The following CTNNBIP1 variants were observed in gnomAD, a reference collection of about 807,000 sequenced individuals.
CTNNBIP1 encodes the protein catenin beta interacting protein 1.
CTNNBIP1 carries 7 observed loss-of-function variants against 11.8 expected under a neutral mutation model. That is an observed-to-expected ratio of 0.60 (90% CI 0.34 to 1.12). The LOEUF is 1.12. CTNNBIP1 is among the 50% of genes most tolerant of loss of function. The pLI is 0.03. For synonymous variants in CTNNBIP1, 58 were observed against 43.9 expected (o/e 1.32, Z -1.26); for missense variants, 101 against 113.4 (o/e 0.89, Z 0.50).
At chr1:9,894,800 G>A (rs895546869) in intron 1 of CTNNBIP1, among the ~76,000 whole-genome samples, 1 of 152,108 alleles carries the variant, frequency 6.6e-6, no homozygotes, top group Non-Finnish European at 1.5e-5. Context: ...GAGTGCAGTG[G>A]TGTGATCTCT....
chr1:9,894,402 G>A (rs1394226341), intron 1 of CTNNBIP1, among the ~76,000 whole-genome samples: 1 of 152,036 alleles, frequency 6.6e-6, no homozygotes, highest in Non-Finnish European at 1.5e-5. Flanking sequence ...GTCACACAGG[G>A]TGGAGTGCAG....
chr1:9,873,623 G>A (rs993005000), intron 3 of CTNNBIP1, among the ~76,000 whole-genome samples: 2 of 152,112 alleles, frequency 1.3e-5, no homozygotes, highest in South Asian at 2.1e-4. Context: ...ATGATGATGC[G>A]GTCTCCACCT....
Position 9,890,815 on chromosome 1 carries a change from C to T in CTNNBIP1, c.-143-7077G>A, listed in dbSNP as rs74054135. ...GAGGTAGAGGAACGCTTTTTCTCTC[C>T]TGGGACACCAGAGAGATCCCCAGCA... On this transcript the variant is annotated intron_variant, in intron 1 of 5. Coordinates refer to ENST00000377263, the MANE Select transcript of CTNNBIP1 (RefSeq NM_020248.3). Among the ~76,000 whole-genome samples the T allele has an allele frequency of 8.9e-3, 1,354 of 152,180 alleles. 18 individuals are homozygous for T. The highest frequency in any genetic ancestry group is 0.037 in the Middle Eastern group (11 of 294).
chr1:9,864,405 T>C (rs1220408), intron 5 of CTNNBIP1, among the ~76,000 whole-genome samples: 146,770 of 152,086 alleles, frequency 0.97, 71,044 homozygotes, highest in Middle Eastern at 1. Flanking sequence ...CTCGGCTCAC[T>C]GCAAGCTCCG....
intron 1 of CTNNBIP1, among the ~76,000 whole-genome samples, chr1:9,884,234 G>A (rs1639139102): frequency 1.3e-5 from 2 of 152,206 alleles, no homozygotes; most frequent in Admixed American, 1.3e-4. Context: ...CCTGGGAATG[G>A]CTCCAGGCAC....
chr1:9,898,345 G>A (rs770130139), intron 1 of CTNNBIP1, among the ~76,000 whole-genome samples: 55 of 151,996 alleles, frequency 3.6e-4, no homozygotes, highest in Non-Finnish European at 6.0e-4. Flanking sequence ...CCAACGTGGT[G>A]AAACCCCGTC....
chr1:9,882,604 A>G (rs1210019498), intron 2 of CTNNBIP1, among the ~76,000 whole-genome samples: 1 of 152,202 alleles, frequency 6.6e-6, no homozygotes, highest in Non-Finnish European at 1.5e-5. Flanking sequence ...CTCAGCTTGA[A>G]AAGACCACTG....
At position 9,872,365 on chromosome 1, in the gene CTNNBIP1, G is replaced by A. The variant is rs1273431829; in HGVS notation, c.-24-277C>T. On this transcript the variant is annotated intron_variant, in intron 3 of 5. Transcript: ENST00000377263. This position sits in a 1 kb window ranked among gnomAD's most constrained non-coding sequence, Gnocchi z 4.0. ...AAGCTGCTGCGTCCAGGAAAACTGA[G>A]ATGACCTGGACTGCTGGTTGTTTCT... 6.6e-6 allele frequency among the ~76,000 whole-genome samples: 1 copy of A among 152,236 alleles called. No individual in the cohort carries two copies. The highest frequency in any genetic ancestry group is 1.9e-4 in the East Asian group (1 of 5,190).
In CTNNBIP1 at chr1:9,864,484, A is replaced by G. The variant is rs905965703; in HGVS notation, c.187+6703T>C. On this transcript the variant is annotated intron_variant, in intron 5 of 5. Transcript: ENST00000377263. Reference sequence around the variant, plus strand: ...GCCAGGACTACAGGCGCCCGCCACCACGCCCGGCTAATTTTTTGTATTTTT... The same window carrying G: ...GCCAGGACTACAGGCGCCCGCCACCGCGCCCGGCTAATTTTTTGTATTTTT... 2.3e-4 allele frequency among the ~76,000 whole-genome samples: 35 copies of G among 152,218 alleles called. 1 individual carries two copies. The East Asian group carries it at 2.5e-3, about 11-fold the overall frequency.
chr1:9,875,717 T>C (rs985121019), intron 3 of CTNNBIP1, among the ~76,000 whole-genome samples: 3 of 152,262 alleles, frequency 2.0e-5, no homozygotes, highest in African/African-American at 7.2e-5. Flanking sequence ...TAGTTTGAGC[T>C]GATTCCGCCC....
At chr1:9,892,241 T>C (rs1639318996) in intron 1 of CTNNBIP1, among the ~76,000 whole-genome samples, 1 of 151,732 alleles carries the variant, frequency 6.6e-6, no homozygotes, top group African/African-American at 2.4e-5. Flanking sequence ...GCTAACACGG[T>C]GAAACCCCGT....
At chr1:9,874,054 C>G (rs1638917014) in intron 3 of CTNNBIP1, among the ~76,000 whole-genome samples, 1 of 152,200 alleles carries the variant, frequency 6.6e-6, no homozygotes, top group South Asian at 2.1e-4. Context: ...ATCTCATAAT[C>G]CTTGCCAAGA....
chr1:9,869,431 G>A (rs1277222770), intron 5 of CTNNBIP1, among the ~76,000 whole-genome samples: 1 of 152,128 alleles, frequency 6.6e-6, no homozygotes, highest in Non-Finnish European at 1.5e-5. Flanking sequence ...GGAGTGCAGC[G>A]GTGAGATCTT....
chr1:9,894,905 ATTTTTT>A (rs1175181254), intron 1 of CTNNBIP1, among the ~76,000 whole-genome samples: 1 of 102,218 alleles, frequency 9.8e-6, no homozygotes, highest in South Asian at 3.2e-4. Flanking sequence ...ATGCCTGGCT[ATTTTTT>A]TTTTTTTTTT....
chr1:9,879,469 C>T (rs965419611), intron 2 of CTNNBIP1, among the ~76,000 whole-genome samples: 4 of 152,082 alleles, frequency 2.6e-5, no homozygotes, highest in African/African-American at 4.8e-5. Flanking sequence ...AGTCAGACAT[C>T]GCTGTAAACC....
intron 1 of CTNNBIP1, among the ~76,000 whole-genome samples, chr1:9,904,485 A>G (rs1315055648): frequency 6.6e-6 from 1 of 152,114 alleles, no homozygotes; most frequent in African/African-American, 2.4e-5. Context: ...GCCCAGATGA[A>G]AGACAACCAA....
rs146941895 is a variant in CTNNBIP1, at chr1:9,864,485, C to T, written c.187+6702G>A. Among the ~76,000 whole-genome samples the T allele has an allele frequency of 9.8e-3, 1,492 of 152,332 alleles. 21 individuals carry two copies. Among genetic ancestry groups the T allele is most frequent in the African/African-American group, 0.031 (1,280 of 41,584 alleles). Reference sequence around the variant, plus strand: ...CCAGGACTACAGGCGCCCGCCACCACGCCCGGCTAATTTTTTGTATTTTTA... The same window carrying T: ...CCAGGACTACAGGCGCCCGCCACCATGCCCGGCTAATTTTTTGTATTTTTA... On this transcript the variant is annotated intron_variant, in intron 5 of 5. Transcript: ENST00000377263.
At chr1:9,882,729 G>GGGCTGT (rs1329442143) in intron 2 of CTNNBIP1, among the ~76,000 whole-genome samples, 5 of 152,104 alleles carry the variant, frequency 3.3e-5, no homozygotes, top group Admixed American at 6.6e-5. Flanking sequence ...TGTAAGAGTG[G>GGGCTGT]GGCTGTGGCT....
At chr1:9,906,613 A>G (rs752797895) in intron 1 of CTNNBIP1, among the ~76,000 whole-genome samples, 7 of 152,166 alleles carry the variant, frequency 4.6e-5, no homozygotes, top group African/African-American at 7.2e-5. Flanking sequence ...GTGTCAAGTG[A>G]CTACTTGGTC....
Sources: gnomAD v4.1 joint callset for allele counts (sites outside exome capture counted in the v4.1 genomes callset) on GRCh38, gnomAD v4.1.1 for gene constraint, Gnocchi (gnomAD v3.1) non-coding constraint, MANE v1.5 for transcripts, NCBI Gene and HGNC (gene_info 2026-07-23, HGNC 2026-07-21) for gene names.